CLASP1: variants seen among roughly 807,000 people sequenced by gnomAD.
The protein encoded by CLASP1 is cytoplasmic linker associated protein 1, also known as CLIP-associating protein 1.
CLASP1 carries 38 observed loss-of-function variants against 192.3 expected under a neutral mutation model. The ratio of observed to expected loss-of-function variants is 0.20; its 90% CI spans 0.15 to 0.26. The LOEUF (loss-of-function observed/expected upper bound fraction) is 0.26, where lower values mean the gene tolerates loss of function less well. CLASP1 is among the 10% of genes least tolerant of loss of function. The probability of loss-of-function intolerance (pLI) is 1.00; values close to 1 mark genes in which losing one functional copy is unlikely to be tolerated. For synonymous variants in CLASP1, 691 were observed against 712.8 expected (o/e 0.97, Z 0.49); for missense variants, 1,433 against 1,932.5 (o/e 0.74, Z 4.85).
chr2:121,583,910 C>T (rs2061461071), intron 2 of CLASP1, among the ~76,000 whole-genome samples: 1 of 151,884 alleles, frequency 6.6e-6, no homozygotes, highest in South Asian at 2.1e-4. Flanking sequence ...TGTAAAAAAT[C>T]GTGGGGAGGG....
At chr2:121,551,924 G>A (rs1054802510) in intron 2 of CLASP1, among the ~76,000 whole-genome samples, 1 of 152,156 alleles carries the variant, frequency 6.6e-6, no homozygotes, top group African/African-American at 2.4e-5. Flanking sequence ...CAAGGCTGAA[G>A]GCATCACATT....
intron 37 of CLASP1, among the ~76,000 whole-genome samples, chr2:121,354,119 A>G (rs2064988299): frequency 6.6e-6 from 1 of 152,194 alleles, no homozygotes; most frequent in Non-Finnish European, 1.5e-5. Context: ...ACAAAGTCAC[A>G]TCTGGAGCAT....
chr2:121,452,994 C>T (rs2085824536), intron 14 of CLASP1, among the ~76,000 whole-genome samples: 1 of 152,016 alleles, frequency 6.6e-6, no homozygotes, highest in South Asian at 2.1e-4. Flanking sequence ...CACAATCACT[C>T]AATAAATCAA....
chr2:121,478,372 G>A (rs577190770), intron 8 of CLASP1, among the ~76,000 whole-genome samples: 5 of 152,144 alleles, frequency 3.3e-5, no homozygotes, highest in African/African-American at 9.6e-5. Context: ...AGGCCAAGGC[G>A]GGCGGACTGC....
chr2:121,528,682 G>C, exon 4 of CLASP1: 1 of 1,613,912 alleles, frequency 6.2e-7, no homozygotes. Context: ...CCTACCTGGG[G>C]ATTAGCAGCT....
intron 2 of CLASP1, among the ~76,000 whole-genome samples, chr2:121,571,338 G>C (rs1339411048): frequency 1.3e-5 from 2 of 151,984 alleles, no homozygotes; most frequent in African/African-American, 4.8e-5. Context: ...ACCATGCCCA[G>C]CTAGTTTTTT....
chr2:121,642,270 T>C lies in CLASP1; in HGVS notation c.-286+7102A>G, dbSNP rs183669090. On this transcript the variant is annotated intron_variant, in intron 1 of 39. Transcript: ENST00000263710. ...CTGTCTCTACAAAAAATACAAAAATTAGCAAGGGTGGTGGCGCACACCTGG... is the reference window on the plus strand; with the variant it reads ...CTGTCTCTACAAAAAATACAAAAATCAGCAAGGGTGGTGGCGCACACCTGG... Among the ~76,000 whole-genome samples the C allele has an allele frequency of 2.1e-5, 3 of 140,664 alleles. No individual in the cohort carries two copies. In the East Asian group the frequency reaches 6.7e-4, roughly 31 times the overall value. 92.3% of individuals were successfully genotyped at this position (140,664 alleles called of 152,430 possible).
At chr2:121,509,426 G>A (rs148020687) in intron 7 of CLASP1, among the ~76,000 whole-genome samples, 1,752 of 152,196 alleles carry the variant, frequency 0.012, 37 homozygotes, top group African/African-American at 0.039. Flanking sequence ...CTTCCGTCTC[G>A]GCCTCCCAAA....
intron 9 of CLASP1, among the ~76,000 whole-genome samples, chr2:121,467,962 T>C (rs763334116): frequency 2.6e-4 from 40 of 152,252 alleles, no homozygotes; most frequent in Non-Finnish European, 5.4e-4. Context: ...AGTTGATTTT[T>C]GTATAGCGTG....
chr2:121,343,477 T>A (rs1450323441), intron 39 of CLASP1, among the ~76,000 whole-genome samples: 1 of 152,172 alleles, frequency 6.6e-6, no homozygotes, highest in Non-Finnish European at 1.5e-5. Context: ...ACAATGGACA[T>A]TCAGTCTTGA....
intron 29 of CLASP1, 37 bp from the exon 31 acceptor site, chr2:121,397,320 T>G: frequency 6.3e-7 from 1 of 1,582,374 alleles, no homozygotes; most frequent in Non-Finnish European, 8.7e-7. Flanking sequence ...TAAGTACACT[T>G]GATGAATCTT....
Position 121,387,116 on chromosome 2 carries a change from C to A in CLASP1, c.3374+6G>T. 6.2e-7 allele frequency: 1 copy of A among 1,610,414 alleles called. No individual in the cohort carries two copies. Among genetic ancestry groups the A allele is most frequent in the Non-Finnish European group, 8.5e-7 (1 of 1,177,082 alleles). On this transcript the variant is annotated splice_donor_region_variant and intron_variant, in intron 32 of 39. Coordinates refer to ENST00000263710, the Ensembl canonical transcript of CLASP1. ...ACATCTGTGGAAAGTAAAGAAGTGA[C>A]CTTACCTTGGAGACAGACCCCCATG...
intron 2 of CLASP1, among the ~76,000 whole-genome samples, chr2:121,589,954 T>TG (rs1016432297): frequency 2.2e-4 from 34 of 152,294 alleles, no homozygotes; most frequent in African/African-American, 7.9e-4. Context: ...AGGCATCTCC[T>TG]GCTCTACTGA....
At chr2:121,396,809 C>CTAGA (rs1445415685) in intron 30 of CLASP1, among the ~76,000 whole-genome samples, 3 of 152,138 alleles carry the variant, frequency 2.0e-5, no homozygotes, top group Non-Finnish European at 4.4e-5. Context: ...CCAGCTAGCC[C>CTAGA]TAGATCTGCA....
intron 32 of CLASP1, among the ~76,000 whole-genome samples, chr2:121,384,145 T>C (rs866779104): frequency 5.8e-4 from 78 of 133,598 alleles, no homozygotes; most frequent in African/African-American, 1.7e-3. Context: ...TATATATATA[T>C]ACACACACAC....
intron 6 of CLASP1, among the ~76,000 whole-genome samples, chr2:121,523,478 G>C (rs983020310): frequency 6.6e-6 from 1 of 152,058 alleles, no homozygotes; most frequent in African/African-American, 2.4e-5. Flanking sequence ...AAAGCTTTAG[G>C]GAACTTTTAA....
At chr2:121,512,946 C>G (rs1470287116) in intron 7 of CLASP1, 1 of 152,076 alleles carries the variant, frequency 6.6e-6, no homozygotes, top group African/African-American at 2.4e-5. Flanking sequence ...TGTAATAGTC[C>G]TATGGAAGCT....
chr2:121,511,191 G>C (rs1266582701), intron 7 of CLASP1, among the ~76,000 whole-genome samples: 2 of 152,178 alleles, frequency 1.3e-5, no homozygotes, highest in African/African-American at 4.8e-5. Context: ...ACTGTAAATA[G>C]CATTCATAAT....
intron 14 of CLASP1, among the ~76,000 whole-genome samples, chr2:121,456,647 A>G (rs1356323725): frequency 6.6e-6 from 1 of 152,224 alleles, no homozygotes; most frequent in Non-Finnish European, 1.5e-5. Context: ...TTTGTTAAAA[A>G]TAATAAAATA....
Sources: gnomAD v4.1 joint callset for allele counts (sites outside exome capture counted in the v4.1 genomes callset) on GRCh38, gnomAD v4.1.1 for gene constraint, MANE v1.5 for transcripts, NCBI Gene and HGNC (gene_info 2026-07-23, HGNC 2026-07-21) for gene names.